CPD: variants seen among roughly 807,000 people sequenced by gnomAD.
The protein encoded by CPD is carboxypeptidase D, also known as metallocarboxypeptidase D.
In CPD, 69 loss-of-function variants were observed where a neutral mutation model predicts 138.3. That is an observed-to-expected ratio of 0.50 (90% CI 0.41 to 0.61). The LOEUF (loss-of-function observed/expected upper bound fraction) is 0.61, where lower values mean the gene tolerates loss of function less well. CPD is among the 20% of genes least tolerant of loss of function. The pLI, the probability that CPD is intolerant of heterozygous loss-of-function variation, is 0.00. For synonymous variants in CPD, 651 were observed against 642.1 expected (o/e 1.01, Z -0.21); for missense variants, 1,432 against 1,733.3 (o/e 0.83, Z 3.09).
Position 30,385,070 on chromosome 17 carries a change from T to C in CPD, c.828T>C (p.Thr276=). 6.2e-7 allele frequency: 1 copy of C among 1,614,134 alleles called. No homozygotes were observed. The change falls in exon 2 of 21, where the codon ACT becomes ACC. Residue 276 remains threonine, a synonymous_variant. Coordinates refer to ENST00000225719, the MANE Select transcript of CPD (RefSeq NM_001304.5). The part of the protein sequence containing the change: ...PFDDSPEHKA[T]GIYSKTSDDE... ...ATGATTCTCCAGAACATAAGGCCAC[T>C]GGAATCTATAGCAAAACCTCAGATG...
At chr17:30,390,893 A>G (rs1423581399) in intron 2 of CPD, among the ~76,000 whole-genome samples, 2 of 151,432 alleles carry the variant, frequency 1.3e-5, no homozygotes, top group Admixed American at 1.3e-4. Flanking sequence ...GCAATGGCAC[A>G]ATCTCAGCTC....
chr17:30,410,787 CT>C (rs1384974781), intron 2 of CPD, among the ~76,000 whole-genome samples: 1 of 152,168 alleles, frequency 6.6e-6, no homozygotes, highest in Non-Finnish European at 1.5e-5. Flanking sequence ...ATACAGCACA[CT>C]GATGGGTCTT....
chr17:30,422,662 T>A lies in CPD; in HGVS notation c.1308-12T>A. On this transcript the variant is annotated splice_polypyrimidine_tract_variant and intron_variant, in intron 4 of 20. Coordinates refer to ENST00000225719, the MANE Select transcript of CPD (RefSeq NM_001304.5). ...ACTATAAACCATTTACTTTTTCAAA[T>A]TTTTTTTTCAGGTATATGCCATTGA... 6.5e-7 allele frequency: 1 copy of A among 1,532,516 alleles called. No homozygotes were observed. The allele number at this position is 1,532,516 out of a possible 1,614,324, so 94.9% of individuals were successfully genotyped here.
intron 17 of CPD, among the ~76,000 whole-genome samples, chr17:30,457,766 A>G (rs2143503594): frequency 6.6e-6 from 1 of 152,154 alleles, no homozygotes; most frequent in Admixed American, 6.5e-5. Flanking sequence ...CCCAGGCCCA[A>G]GCAATCCCCC....
intron 2 of CPD, among the ~76,000 whole-genome samples, chr17:30,386,123 G>A (rs1269146522): frequency 6.6e-6 from 1 of 152,084 alleles, no homozygotes; most frequent in African/African-American, 2.4e-5. Context: ...ACAAGCTCCT[G>A]GGCGCAAGCA....
At chr17:30,442,810 T>C (rs1912913237) in intron 10 of CPD, among the ~76,000 whole-genome samples, 1 of 152,176 alleles carries the variant, frequency 6.6e-6, no homozygotes, top group South Asian at 2.1e-4. Context: ...GTGGAGTGAA[T>C]GTTTTTATTC....
intron 15 of CPD, 113 bp from the exon 16 acceptor site, chr17:30,456,143 G>T (rs1005840213): frequency 2.7e-6 from 2 of 728,864 alleles, no homozygotes; most frequent in Non-Finnish European, 4.6e-6. Flanking sequence ...GTATACTTAA[G>T]TGGAGTGCAA....
intron 12 of CPD, 76 bp from the exon 13 acceptor site, chr17:30,449,477 A>G (rs1913109854): frequency 1.5e-6 from 2 of 1,313,320 alleles, no homozygotes; most frequent in Middle Eastern, 1.9e-4. Flanking sequence ...TTTCATTTCT[A>G]TTTTTAAAGT....
intron 17 of CPD, 170 bp downstream of exon 17, chr17:30,456,696 G>T: frequency 1.8e-6 from 1 of 566,052 alleles, no homozygotes; most frequent in South Asian, 2.0e-5. Context: ...ATAAAAATTA[G>T]CTGGGTGTGG....
At position 30,378,977 on chromosome 17, in the gene CPD, G is replaced by A. The variant is rs758613815; in HGVS notation, c.-4G>A. ...GGAGCCGGGGTTAGCGGCGCTGCTG[G>A]AAGATGGCGAGCGGCCGGGACGAGC... On this transcript the variant is annotated 5_prime_UTR_variant, in exon 1 of 21. Coordinates refer to ENST00000225719, the MANE Select transcript of CPD (RefSeq NM_001304.5). The A allele has an allele frequency of 3.3e-6, 5 of 1,523,940 alleles. No homozygotes were observed. Among genetic ancestry groups the A allele is most frequent in the Non-Finnish European group, 3.5e-6 (4 of 1,147,150 alleles). 94.4% of individuals were successfully genotyped at this position (1,523,940 alleles called of 1,614,324 possible).
intron 1 of CPD, among the ~76,000 whole-genome samples, chr17:30,382,374 T>C (rs1014093803): frequency 1.3e-5 from 2 of 152,198 alleles, no homozygotes; most frequent in East Asian, 3.8e-4. Context: ...CAAGGAATGA[T>C]ATGTGATACT....
intron 6 of CPD, among the ~76,000 whole-genome samples, chr17:30,426,902 T>C (rs6505186): frequency 0.54 from 82,253 of 151,986 alleles, 23,207 homozygotes; most frequent in East Asian, 0.81. Context: ...GGAGTCTGGC[T>C]GGGCGTGGTG....
chr17:30,416,879 GA>G (rs1192953112), intron 2 of CPD, among the ~76,000 whole-genome samples: 2 of 152,030 alleles, frequency 1.3e-5, no homozygotes, highest in East Asian at 3.9e-4. Flanking sequence ...GAGGCGGGTG[GA>G]TCACGAGGTC....
Position 30,420,800 on chromosome 17 carries a change from A to G in CPD, c.995-41A>G, listed in dbSNP as rs746201306. The G allele has an allele frequency of 1.2e-5, 19 of 1,557,550 alleles. No homozygotes were observed. In the East Asian group the frequency reaches 4.1e-4, roughly 34 times the overall value. On this transcript the variant is annotated intron_variant, in intron 2 of 20. Coordinates refer to ENST00000225719, the MANE Select transcript of CPD (RefSeq NM_001304.5). ...CTTCAGTCTTTTGGAGGGTAGAATT[A>G]TTTTCCTTCTGAGAGTAAACTTATT...
chr17:30,419,140 G>A (rs558975552), intron 2 of CPD, among the ~76,000 whole-genome samples: 5 of 152,182 alleles, frequency 3.3e-5, no homozygotes, highest in South Asian at 2.1e-4. Context: ...ATATTGCTGC[G>A]ATTTTATTTC....
At chr17:30,423,208 T>C (rs1438533398) in intron 5 of CPD, among the ~76,000 whole-genome samples, 185 bp downstream of exon 5, 1 of 152,164 alleles carries the variant, frequency 6.6e-6, no homozygotes, top group East Asian at 1.9e-4. Context: ...AAGGAAATCC[T>C]TTTGCTAACC....
chr17:30,442,205 T>C lies in CPD; in HGVS notation c.2231-103T>C, dbSNP rs1206978353. ...GAACACGTTAGCTTATCAATGCTGA[T>C]AAGAGATAAATTTGGCTTTTTACTA... On this transcript the variant is annotated intron_variant, in intron 9 of 20. Transcript: ENST00000225719. 7 of 1,030,430 alleles carry C rather than the reference T, an allele frequency of 6.8e-6. No homozygotes were observed. The Admixed American group carries it at 8.7e-5, about 13-fold the overall frequency. The allele number at this position is 1,030,430 out of a possible 1,614,324, so 63.8% of individuals were successfully genotyped here.
In CPD at chr17:30,448,837, G is replaced by T. The variant is rs139068259; in HGVS notation, c.2874-716G>T. On this transcript the variant is annotated intron_variant, in intron 12 of 20. Transcript: ENST00000225719. ...AAAAAGGGAGGGCCAGGGTGGTGGCGCATGCTGTAATCCCAGCACTTTGGG... is the reference window on the plus strand; with the variant it reads ...AAAAAGGGAGGGCCAGGGTGGTGGCTCATGCTGTAATCCCAGCACTTTGGG... Among the ~76,000 whole-genome samples, 377 of 151,872 alleles carry T rather than the reference G, an allele frequency of 2.5e-3. 1 individual carries two copies. Among genetic ancestry groups the T allele is most frequent in the African/African-American group, 8.7e-3 (360 of 41,414 alleles).
intron 2 of CPD, among the ~76,000 whole-genome samples, chr17:30,411,832 A>G (rs768299302): frequency 2.7e-4 from 41 of 152,122 alleles, no homozygotes; most frequent in Non-Finnish European, 4.7e-4. Context: ...GAAGTTTGTT[A>G]TTACCAACCT....
Sources: gnomAD v4.1 joint callset for allele counts (sites outside exome capture counted in the v4.1 genomes callset) on GRCh38, gnomAD v4.1.1 for gene constraint, MANE v1.5 for transcripts, NCBI Gene and HGNC (gene_info 2026-07-23, HGNC 2026-07-21) for gene names.